Variants in YJU2 observed in about 807,000 individuals in gnomAD.
YJU2 encodes the protein splicing factor YJU2.
Under a neutral mutation model 39.6 loss-of-function variants are expected in YJU2, and 28 were observed. The observed-to-expected ratio is 0.71, with a 90% CI of 0.52 to 0.97. The LOEUF is 0.97. YJU2 is among the 50% of genes least tolerant of loss of function. YJU2 has a pLI of 0.00. For missense variants in YJU2, 328 were observed against 430.4 expected, an observed-to-expected ratio of 0.76 and a Z score of 2.11; for synonymous variants, 184 against 182.4, an observed-to-expected ratio of 1.01 and a Z score of -0.07.
chr19:4,265,235 C>A (rs528271981), intron 6 of YJU2, among the ~76,000 whole-genome samples: 8 of 152,024 alleles, frequency 5.3e-5, no homozygotes, highest in South Asian at 4.2e-4. Flanking sequence ...TCCACACTTG[C>A]GTTTTCTTGG....
At chr19:4,252,262 C>A (rs1230005373) in intron 3 of YJU2, among the ~76,000 whole-genome samples, 3 of 151,254 alleles carry the variant, frequency 2.0e-5, no homozygotes, top group East Asian at 3.9e-4. Flanking sequence ...GAGTTCGAGA[C>A]CAGCCTGGAC....
chr19:4,263,073 C>CAAAAA (rs748864015), intron 6 of YJU2, among the ~76,000 whole-genome samples: 1 of 106,446 alleles, frequency 9.4e-6, no homozygotes, highest in Non-Finnish European at 2.0e-5. Context: ...GACTCTGTCT[C>CAAAAA]AAAAAAAAAA....
chr19:4,247,578 G>GGCGC (rs202241226), intron 1 of YJU2, among the ~76,000 whole-genome samples: 5 of 82,048 alleles, frequency 6.1e-5, no homozygotes, highest in East Asian at 3.9e-4. Context: ...GGGGTGGGGT[G>GGCGC]GCGCGTGTGT....
At chr19:4,249,708 CTT>C (rs111734725) in intron 2 of YJU2, among the ~76,000 whole-genome samples, 11 of 143,136 alleles carry the variant, frequency 7.7e-5, no homozygotes, top group Non-Finnish European at 7.7e-5. Context: ...TTCTTTCTTT[CTT>C]TTTTTTTTTT....
chr19:4,258,196 T>C (rs1165821741), intron 4 of YJU2, 46 bp from the exon 5 acceptor site: 1 of 1,540,050 alleles, frequency 6.5e-7, no homozygotes, highest in Admixed American at 2.0e-5. Context: ...GTTTGCCCCG[T>C]GGTGCGATCC....
Position 4,268,498 on chromosome 19 carries a change from A to T in YJU2, c.860-86A>T. On this transcript the variant is annotated intron_variant, in intron 7 of 7. Transcript: ENST00000262962. The stretch of plus-strand genomic sequence containing the variant: ...CATGCTGTCACCTCTGGACCTTGCA[A>T]ACCTGCAGAGGTGGCCGGCCCCGTG... 3.3e-6 allele frequency: 3 copies of T among 916,180 alleles called. No individual in the cohort carries two copies. The South Asian group carries it at 4.4e-5, about 13-fold the overall frequency. 56.8% of individuals were successfully genotyped at this position (916,180 alleles called of 1,614,324 possible). A position where few individuals can be genotyped will look rare whatever the true frequency, so the allele number is the denominator to read the frequency against.
At chr19:4,265,596 CT>C (rs1053853456) in intron 6 of YJU2, among the ~76,000 whole-genome samples, 75 of 139,222 alleles carry the variant, frequency 5.4e-4, no homozygotes, top group Admixed American at 7.9e-4. Context: ...ACCTAGGTAA[CT>C]TTTTTTTTTT....
chr19:4,268,468 A>G, intron 7 of YJU2, 116 bp from the exon 8 acceptor site: 1 of 670,082 alleles, frequency 1.5e-6, no homozygotes, highest in Non-Finnish European at 2.6e-6. Context: ...AGGCCAGGCC[A>G]TTCACATGCT....
chr19:4,262,331 T>A (rs540401671), intron 6 of YJU2, among the ~76,000 whole-genome samples: 11 of 152,276 alleles, frequency 7.2e-5, no homozygotes, highest in Admixed American at 2.0e-4. Context: ...CCCGAGTAGC[T>A]GGGACTACAG....
At chr19:4,267,156 A>G (rs894431845) in intron 6 of YJU2, among the ~76,000 whole-genome samples, 4 of 151,996 alleles carry the variant, frequency 2.6e-5, no homozygotes, top group Non-Finnish European at 5.9e-5. Context: ...AGCAGTGGGG[A>G]AGACAGGAGC....
Position 4,268,767 on chromosome 19 carries a change from T to C in YJU2, c.*71T>C. 8.6e-7 allele frequency: 1 copy of C among 1,161,884 alleles called. No homozygotes were observed. The highest frequency in any genetic ancestry group is 1.3e-5 in the South Asian group (1 of 77,326). 72.0% of individuals were successfully genotyped at this position (1,161,884 alleles called of 1,614,324 possible). ...TCAGCCACATTGAGGCCAGCATTGC[T>C]GGTGGTCAGGGCAGGAGGCCTTGGC... On this transcript the variant is annotated 3_prime_UTR_variant, in exon 8 of 8. Coordinates refer to ENST00000262962, the MANE Select transcript of YJU2 (RefSeq NM_018074.6).
intron 5 of YJU2, among the ~76,000 whole-genome samples, 194 bp from the exon 6 acceptor site, chr19:4,261,800 C>T (rs1971072687): frequency 6.6e-6 from 1 of 151,960 alleles, no homozygotes. Flanking sequence ...CTTCACCCTC[C>T]CTGAGTGACA....
chr19:4,262,865 A>G (rs541789890), intron 6 of YJU2, among the ~76,000 whole-genome samples: 8 of 152,162 alleles, frequency 5.3e-5, no homozygotes, highest in South Asian at 2.1e-4. Flanking sequence ...CTGCATCAGT[A>G]TGACCGAACT....
intron 6 of YJU2, among the ~76,000 whole-genome samples, chr19:4,266,966 C>G (rs747898334): frequency 2.0e-5 from 3 of 152,100 alleles, no homozygotes; most frequent in Non-Finnish European, 4.4e-5. Flanking sequence ...GACCTTCCCC[C>G]CAAAAAAATT....
In YJU2 at chr19:4,247,137, G is replaced by C; in HGVS notation, c.-10G>C. The C allele has an allele frequency of 6.2e-7, 1 of 1,613,912 alleles. No individual in the cohort carries two copies. On this transcript the variant is annotated 5_prime_UTR_variant, in exon 1 of 8. Coordinates refer to ENST00000262962, the MANE Select transcript of YJU2 (RefSeq NM_018074.6). ...TTCTCAGGTGCTTGCGAGGTGATCAGAAGGCAAAGATGTCGGAGCGAAAAG... is the reference window on the plus strand; with the variant it reads ...TTCTCAGGTGCTTGCGAGGTGATCACAAGGCAAAGATGTCGGAGCGAAAAG...
chr19:4,258,532 G>A lies in YJU2; in HGVS notation c.587+109G>A, dbSNP rs1248610946. 4.2e-6 allele frequency: 6 copies of A among 1,435,074 alleles called. 1 individual carries two copies. In the South Asian group the frequency reaches 4.3e-5, roughly 10 times the overall value. 88.9% of individuals were successfully genotyped at this position (1,435,074 alleles called of 1,614,324 possible). A position where few individuals can be genotyped will look rare whatever the true frequency, so the allele number is the denominator to read the frequency against. On this transcript the variant is annotated intron_variant, in intron 5 of 7. Coordinates refer to ENST00000262962, the MANE Select transcript of YJU2 (RefSeq NM_018074.6). ...CTCTCTGGAGTGTCGCCTTTGCAAG[G>A]ACCCCTTTCCCACCGCCCATCTCAC...
intron 4 of YJU2, among the ~76,000 whole-genome samples, chr19:4,256,019 C>T (rs908360961): frequency 1.3e-5 from 2 of 151,080 alleles, no homozygotes; most frequent in African/African-American, 4.9e-5. Flanking sequence ...ACAACAACAA[C>T]AAAAATTAGG....
chr19:4,255,228 AAAAT>A (rs890997127), intron 4 of YJU2, among the ~76,000 whole-genome samples: 5 of 151,926 alleles, frequency 3.3e-5, no homozygotes, highest in Admixed American at 6.6e-5. Context: ...TGTCTCAAAA[AAAAT>A]AAATAAATAA....
chr19:4,258,506 G>T, intron 5 of YJU2, 83 bp downstream of exon 5: 1 of 1,483,500 alleles, frequency 6.7e-7, no homozygotes. Flanking sequence ...CCCTTTCCCC[G>T]CTCTCTGGAG....
Sources: allele counts gnomAD v4.1 joint callset (sites outside exome capture counted in the v4.1 genomes callset), GRCh38; gene constraint gnomAD v4.1.1; transcripts MANE v1.5; gene names NCBI Gene and HGNC (gene_info 2026-07-23, HGNC 2026-07-21).